Variants in ABCD2 observed in about 807,000 individuals in gnomAD.
The protein encoded by ABCD2 is ATP binding cassette subfamily D member 2.
In ABCD2, 36 loss-of-function variants were observed where a neutral mutation model predicts 70.9. The observed-to-expected ratio is 0.51, with a 90% CI of 0.39 to 0.67. ABCD2 has a LOEUF of 0.67. ABCD2 is among the 30% of genes least tolerant of loss of function. The probability of loss-of-function intolerance (pLI) is 0.00; values close to 1 mark genes in which losing one functional copy is unlikely to be tolerated. For missense variants in ABCD2, 729 were observed against 890.2 expected, an observed-to-expected ratio of 0.82 and a Z score of 2.30; for synonymous variants, 304 against 306.9, an observed-to-expected ratio of 0.99 and a Z score of 0.10.
At chr12:39,600,044 TTC>T (rs1395331768) in intron 6 of ABCD2, among the ~76,000 whole-genome samples, 2 of 151,980 alleles carry the variant, frequency 1.3e-5, no homozygotes, top group African/African-American at 4.9e-5. Flanking sequence ...AGAAATAATG[TTC>T]TTTTTCTATG....
intron 9 of ABCD2, among the ~76,000 whole-genome samples, chr12:39,566,503 A>C (rs1322799637): frequency 6.6e-6 from 1 of 151,940 alleles, no homozygotes; most frequent in Non-Finnish European, 1.5e-5. Flanking sequence ...TATTGCATCT[A>C]TTTGATTCTT....
Position 39,604,944 on chromosome 12 carries a change from A to G in ABCD2, c.1237-14T>C. 1 of 1,557,512 alleles carries G rather than the reference A, an allele frequency of 6.4e-7. No homozygotes were observed. Among genetic ancestry groups the G allele is most frequent in the Non-Finnish European group, 8.6e-7 (1 of 1,157,586 alleles). ...TAATTCAGTGACCTAAAAGCAACACAGAGATATAAAATAGAGTTACTATAT... is the reference window on the plus strand; with the variant it reads ...TAATTCAGTGACCTAAAAGCAACACGGAGATATAAAATAGAGTTACTATAT... On this transcript the variant is annotated splice_polypyrimidine_tract_variant and intron_variant, in intron 3 of 9. Coordinates refer to ENST00000308666, the MANE Select transcript of ABCD2 (RefSeq NM_005164.4).
At chr12:39,592,989 A>G (rs1478043604) in intron 6 of ABCD2, among the ~76,000 whole-genome samples, 3 of 152,208 alleles carry the variant, frequency 2.0e-5, no homozygotes, top group Admixed American at 1.3e-4. Flanking sequence ...ATAAAAAGAA[A>G]AAAAGCAAGG....
intron 9 of ABCD2, among the ~76,000 whole-genome samples, chr12:39,566,808 C>G (rs548976285): frequency 6.6e-6 from 1 of 152,308 alleles, no homozygotes; most frequent in Non-Finnish European, 1.5e-5. Flanking sequence ...TTGAATGTGT[C>G]CCAGAAATTC....
chr12:39,563,334 G>A (rs763269043), intron 9 of ABCD2, among the ~76,000 whole-genome samples: 1 of 152,078 alleles, frequency 6.6e-6, no homozygotes, highest in Non-Finnish European at 1.5e-5. Context: ...TTTGGTTGCA[G>A]TGAGATATGA....
intron 9 of ABCD2, among the ~76,000 whole-genome samples, chr12:39,566,529 T>C (rs1941351270): frequency 6.6e-6 from 1 of 152,220 alleles, no homozygotes; most frequent in Non-Finnish European, 1.5e-5. Context: ...TTTTCTTCTC[T>C]ATTAGTCTTG....
chr12:39,572,270 G>A (rs1259353337), intron 9 of ABCD2, among the ~76,000 whole-genome samples: 1 of 152,192 alleles, frequency 6.6e-6, no homozygotes, highest in Non-Finnish European at 1.5e-5. Context: ...GTCCCAACAT[G>A]TGATTAATTT....
intron 6 of ABCD2, among the ~76,000 whole-genome samples, chr12:39,592,674 C>T (rs1483727288): frequency 6.6e-6 from 1 of 152,212 alleles, no homozygotes; most frequent in Non-Finnish European, 1.5e-5. Flanking sequence ...GTATAGAGTT[C>T]TGTGAGGAGC....
intron 9 of ABCD2, among the ~76,000 whole-genome samples, chr12:39,563,048 A>G (rs902244754): frequency 6.6e-6 from 1 of 152,186 alleles, no homozygotes; most frequent in Admixed American, 6.6e-5. Flanking sequence ...CATTAACAAA[A>G]TGAAGGACAA....
intron 6 of ABCD2, among the ~76,000 whole-genome samples, chr12:39,586,840 C>CA (rs1194487482): frequency 5.3e-5 from 8 of 152,156 alleles, no homozygotes; most frequent in Admixed American, 2.6e-4. Context: ...ACAAACAAAA[C>CA]AAAAAAATTT....
chr12:39,598,113 G>A (rs899650424), intron 6 of ABCD2, among the ~76,000 whole-genome samples: 19 of 152,006 alleles, frequency 1.2e-4, no homozygotes, highest in African/African-American at 3.1e-4. Context: ...TCTTTCTTCC[G>A]TATACTACAT....
chr12:39,589,716 TA>T (rs1168184473), intron 6 of ABCD2, among the ~76,000 whole-genome samples: 1 of 152,142 alleles, frequency 6.6e-6, no homozygotes. Context: ...TTAAATGATG[TA>T]ACGATGTATA....
chr12:39,589,384 GTTT>G (rs397850115), intron 6 of ABCD2, among the ~76,000 whole-genome samples: 4 of 125,110 alleles, frequency 3.2e-5, no homozygotes, highest in African/African-American at 6.2e-5. Context: ...TTTGGTCTGG[GTTT>G]TTTTTTTTTT....
chr12:39,602,630 T>C (rs1393229815), intron 5 of ABCD2, among the ~76,000 whole-genome samples: 4 of 152,142 alleles, frequency 2.6e-5, no homozygotes, highest in Non-Finnish European at 5.9e-5. Context: ...AAAGTATACT[T>C]TACTAATGCA....
chr12:39,562,590 C>T (rs1057388162), intron 9 of ABCD2, among the ~76,000 whole-genome samples: 5 of 151,758 alleles, frequency 3.3e-5, no homozygotes, highest in Admixed American at 1.3e-4. Flanking sequence ...CTAGAAGAAA[C>T]GAATAAATTT....
intron 6 of ABCD2, among the ~76,000 whole-genome samples, chr12:39,596,806 A>C (rs1208325423): frequency 6.6e-6 from 1 of 152,202 alleles, no homozygotes; most frequent in African/African-American, 2.4e-5. Context: ...GTTGGTGCCC[A>C]GGGTGGAACT....
chr12:39,567,723 A>T (rs927836785), intron 9 of ABCD2, among the ~76,000 whole-genome samples: 2 of 152,176 alleles, frequency 1.3e-5, no homozygotes, highest in Non-Finnish European at 2.9e-5. Flanking sequence ...CCTAGTCTGC[A>T]TGGTCTTTAC....
At chr12:39,536,378 G>A in the ABCD2 span, among the ~76,000 whole-genome samples, 3 of 152,176 alleles carry the variant, frequency 2.0e-5, no homozygotes, top group Admixed American at 1.3e-4. Flanking sequence ...TGCAGTAGAG[G>A]GGCCTGAGCA....
chr12:39,617,799 C>T (rs752207903), intron 1 of ABCD2, among the ~76,000 whole-genome samples: 16 of 152,072 alleles, frequency 1.1e-4, no homozygotes, highest in East Asian at 5.8e-4. Flanking sequence ...GATTGACATG[C>T]CATCTTCAAC....
Sources: gnomAD v4.1 joint callset for allele counts (sites outside exome capture counted in the v4.1 genomes callset) on GRCh38, gnomAD v4.1.1 for gene constraint, MANE v1.5 for transcripts, NCBI Gene and HGNC (gene_info 2026-07-23, HGNC 2026-07-21) for gene names.